Variants in TTC28 observed in about 807,000 individuals in gnomAD.
TTC28 encodes the protein tetratricopeptide repeat protein 28.
Under a neutral mutation model 198.0 loss-of-function variants are expected in TTC28, and 61 were observed. The ratio of observed to expected loss-of-function variants is 0.31; its 90% CI spans 0.25 to 0.38. The LOEUF is 0.38. TTC28 is among the 10% of genes least tolerant of loss of function. TTC28 has a pLI of 1.00. For missense variants in TTC28, 2,678 were observed against 3,164.0 expected (o/e 0.85, Z 3.69); for synonymous variants, 1,171 against 1,297.8 (o/e 0.90, Z 2.10).
At chr22:28,557,517 A>G (rs1380309237) in intron 2 of TTC28, among the ~76,000 whole-genome samples, 2 of 152,122 alleles carry the variant, frequency 1.3e-5, no homozygotes, top group East Asian at 3.9e-4. Context: ...TACATTTTCA[A>G]ATCTTCTTGG....
chr22:28,580,291 C>G (rs746202868), intron 2 of TTC28, among the ~76,000 whole-genome samples: 35 of 152,192 alleles, frequency 2.3e-4, no homozygotes, highest in Non-Finnish European at 4.1e-4. Context: ...CCATCTTTTA[C>G]TATCTCCCTT....
intron 2 of TTC28, among the ~76,000 whole-genome samples, chr22:28,408,684 C>T (rs1302376253): frequency 1.3e-5 from 2 of 152,210 alleles, no homozygotes; most frequent in Non-Finnish European, 2.9e-5. Flanking sequence ...CCACTGCATC[C>T]GGCCCCAACT....
At chr22:28,494,233 C>G (rs2048420656) in intron 2 of TTC28, among the ~76,000 whole-genome samples, 1 of 152,140 alleles carries the variant, frequency 6.6e-6, no homozygotes, top group Non-Finnish European at 1.5e-5. Context: ...GGCCTTGAGT[C>G]TGTACTCCAC....
At chr22:28,314,752 A>G (rs535504968) in intron 2 of TTC28, among the ~76,000 whole-genome samples, 1 of 152,194 alleles carries the variant, frequency 6.6e-6, no homozygotes, top group African/African-American at 2.4e-5. Context: ...ATGTGCCTGT[A>G]GTCCTAGCTA....
At position 28,537,297 on chromosome 22, in the gene TTC28, A is replaced by AACTAAACTAAACTAAACTAAAC. The variant is rs1569008972; in HGVS notation, c.381+92254_381+92255insGTTTAGTTTAGTTTAGTTTAGT. 1.8e-4 allele frequency among the ~76,000 whole-genome samples: 18 copies of AACTAAACTAAACTAAACTAAAC among 98,246 alleles called. No individual in the cohort carries two copies. In the East Asian group the frequency reaches 3.5e-3, roughly 19 times the overall value. 64.5% of individuals were successfully genotyped at this position (98,246 alleles called of 152,430 possible). On this transcript the variant is annotated intron_variant, in intron 2 of 22. Transcript: ENST00000397906. ...GACAGAGCCAGACTCCGTCTCAAAA[A>AACTAAACTAAACTAAACTAAAC]TAAAATAAAATAAAATAAAATAAAA...
intron 5 of TTC28, among the ~76,000 whole-genome samples, chr22:28,280,357 G>C (rs1442553243): frequency 6.6e-6 from 1 of 151,088 alleles, no homozygotes; most frequent in African/African-American, 2.4e-5. Flanking sequence ...ATGGAGTTTT[G>C]CTCTTGTTGC....
At chr22:28,336,897 G>C (rs2045731384) in intron 2 of TTC28, among the ~76,000 whole-genome samples, 1 of 151,984 alleles carries the variant, frequency 6.6e-6, no homozygotes, top group African/African-American at 2.4e-5. Flanking sequence ...GAATGTGTTT[G>C]CTCTTGCTTC....
intron 1 of TTC28, among the ~76,000 whole-genome samples, chr22:28,631,793 T>C (rs1248853168): frequency 6.6e-6 from 1 of 152,282 alleles, no homozygotes; most frequent in Admixed American, 6.5e-5. Context: ...CCCAAACTGC[T>C]GGGACTACAG....
chr22:28,645,598 G>A (rs1289135974), intron 1 of TTC28, among the ~76,000 whole-genome samples: 1 of 149,740 alleles, frequency 6.7e-6, no homozygotes, highest in Non-Finnish European at 1.5e-5. Flanking sequence ...CTGCACTCCA[G>A]TCTGGGCAAC....
chr22:28,184,446 C>T (rs887028965), intron 5 of TTC28, among the ~76,000 whole-genome samples: 1 of 151,984 alleles, frequency 6.6e-6, no homozygotes, highest in African/African-American at 2.4e-5. Context: ...GGCATGCAAG[C>T]GCATAAATAT....
intron 2 of TTC28, among the ~76,000 whole-genome samples, chr22:28,391,397 A>G (rs1243564860): frequency 6.6e-5 from 10 of 152,088 alleles, no homozygotes; most frequent in African/African-American, 2.2e-4. Flanking sequence ...CTGCCTTGCT[A>G]GACTGGGGAA....
rs140924725 is a variant in TTC28 at position 28,059,191 on chromosome 22, A to G, written c.3933-28825T>C. Among the ~76,000 whole-genome samples the G allele has an allele frequency of 3.6e-4, 55 of 152,078 alleles. No homozygotes were observed. In the Middle Eastern group the frequency reaches 0.01, roughly 28 times the overall value. On this transcript the variant is annotated intron_variant, in intron 12 of 22. Transcript: ENST00000397906. ...TTCTAGCTTCTTTAGGCATAATCTT[A>G]TATCACTGACTTTCTACTTTCCTCT...
At chr22:28,560,873 C>A (rs2049860892) in intron 2 of TTC28, among the ~76,000 whole-genome samples, 1 of 151,646 alleles carries the variant, frequency 6.6e-6, no homozygotes, top group South Asian at 2.1e-4. Flanking sequence ...TCTCCTGCCT[C>A]AGCCTCCCAA....
chr22:28,669,168 G>C (rs2051836323), intron 1 of TTC28, among the ~76,000 whole-genome samples: 1 of 130,022 alleles, frequency 7.7e-6, no homozygotes, highest in African/African-American at 2.9e-5. Flanking sequence ...AGGAGGAGGG[G>C]GGAGGGATAG....
intron 2 of TTC28, among the ~76,000 whole-genome samples, chr22:28,320,450 T>C (rs369175495): frequency 6.2e-4 from 95 of 152,284 alleles, no homozygotes; most frequent in African/African-American, 2.2e-3. Flanking sequence ...CTGACATAAA[T>C]TGTACTTCGG....
In TTC28 at chr22:28,297,860, T is replaced by C. The variant is rs1235932638; in HGVS notation, c.530-8A>G. The C allele has an allele frequency of 3.2e-6, 5 of 1,550,138 alleles. No individual in the cohort carries two copies. In the Admixed American group the frequency reaches 9.8e-5, roughly 30 times the overall value. ...AAGTGGGCTCGAGGGAGTCTGAAAA[T>C]AAACAACAATAACAGCAACATAACA... On this transcript the variant is annotated splice_polypyrimidine_tract_variant and splice_region_variant and intron_variant, in intron 3 of 22. Transcript: ENST00000397906.
chr22:28,193,119 A>G (rs1337030235), intron 5 of TTC28, among the ~76,000 whole-genome samples: 1 of 152,236 alleles, frequency 6.6e-6, no homozygotes. Flanking sequence ...GCCAGAAAAG[A>G]GTGGGGGCCA....
intron 2 of TTC28, among the ~76,000 whole-genome samples, chr22:28,479,630 A>C (rs2048217947): frequency 6.6e-6 from 1 of 152,172 alleles, no homozygotes; most frequent in Non-Finnish European, 1.5e-5. Context: ...TAATTAATAA[A>C]CATTTTCACG....
At chr22:28,518,759 G>A (rs1211903042) in intron 2 of TTC28, among the ~76,000 whole-genome samples, 1 of 152,202 alleles carries the variant, frequency 6.6e-6, no homozygotes, top group African/African-American at 2.4e-5. Context: ...TAGGAAGATA[G>A]TAAAAAGACA....
Sources: allele counts gnomAD v4.1 joint callset (sites outside exome capture counted in the v4.1 genomes callset), GRCh38; gene constraint gnomAD v4.1.1; transcripts MANE v1.5; gene names NCBI Gene and HGNC (gene_info 2026-07-23, HGNC 2026-07-21).